The following THEM6 variants were observed in gnomAD, a reference collection of about 807,000 sequenced individuals.
THEM6 encodes protein THEM6.
THEM6 carries 10 observed loss-of-function variants against 13.7 expected under a neutral mutation model. The ratio of observed to expected loss-of-function variants is 0.73; its 90% confidence interval spans 0.45 to 1.24. The LOEUF (loss-of-function observed/expected upper bound fraction) is 1.24, where lower values mean the gene tolerates loss of function less well. THEM6 is among the 50% of genes most tolerant of loss of function. The pLI, the probability that THEM6 is intolerant of heterozygous loss-of-function variation, is 0.00. For missense variants in THEM6, 317 were observed against 312.6 expected, an observed-to-expected ratio of 1.01 and a Z score of -0.11; for synonymous variants, 161 against 156.0, an observed-to-expected ratio of 1.03 and a Z score of -0.24.
rs1434711823 is a variant in THEM6, at chr8:142,736,544, C to T, written c.*1105C>T. 6.6e-6 allele frequency: 1 copy of T among 152,306 alleles called. No homozygotes were observed. The highest frequency in any genetic ancestry group is 2.4e-5 in the African/African-American group (1 of 41,464). The allele number at this position is 152,306 out of a possible 1,614,324, so 9.4% of individuals were successfully genotyped here. On this transcript the variant is annotated 3_prime_UTR_variant, in exon 2 of 2. Transcript: ENST00000336138. The stretch of plus-strand genomic sequence containing the variant: ...CACCCCCTCCTGCCTAATGCCTCAC[C>T]TTACAGCTGGGGAAACTGAGGCCTG...
intron 1 of THEM6, 83 bp from the exon 2 acceptor site, chr8:142,735,243 A>G: frequency 9.6e-7 from 1 of 1,040,970 alleles, no homozygotes; most frequent in Non-Finnish European, 1.4e-6. Flanking sequence ...TTGGAAGGTC[A>G]CGGGCTGGGG....
intron 1 of THEM6, among the ~76,000 whole-genome samples, chr8:142,733,431 A>G (rs11785290): frequency 0.33 from 50,432 of 152,138 alleles, 8,735 homozygotes; most frequent in Admixed American, 0.4. Context: ...TCCTAATTAG[A>G]TCGGTAGGAA....
At chr8:142,733,061 C>G (rs1264088420) in intron 1 of THEM6, among the ~76,000 whole-genome samples, 1 of 152,222 alleles carries the variant, frequency 6.6e-6, no homozygotes, top group Non-Finnish European at 1.5e-5. Flanking sequence ...GACGCGTCCA[C>G]CCTATTGCCG....
Position 142,727,798 on chromosome 8 carries a change from TC to T in THEM6, c.454del (p.Arg152GlyfsTer90). On this transcript the variant is annotated frameshift_variant, in exon 1 of 2. Coordinates refer to ENST00000336138, the MANE Select transcript of THEM6 (RefSeq NM_016647.3). LOFTEE classifies it high-confidence loss of function. ...RDGFVCALLR[F>X]RQHLLGTSPE... ...GGCTTCGTGTGCGCGCTGCTGCGCT[TC>T]CGGCAGCACCTGCTGGGCACCTCAC... 6.8e-7 allele frequency: 1 copy of T among 1,468,958 alleles called. No homozygotes were observed. Among genetic ancestry groups the T allele is most frequent in the Non-Finnish European group, 8.9e-7 (1 of 1,119,072 alleles). 91.0% of individuals were successfully genotyped at this position (1,468,958 alleles called of 1,614,324 possible).
At chr8:142,730,746 CTTT>C (rs782028092) in intron 1 of THEM6, among the ~76,000 whole-genome samples, 5 of 142,054 alleles carry the variant, frequency 3.5e-5, no homozygotes, top group Admixed American at 7.0e-5. Context: ...TTAATAAAAT[CTTT>C]TTTTTTTTTT....
At chr8:142,734,279 C>G (rs1437806470) in intron 1 of THEM6, among the ~76,000 whole-genome samples, 1 of 152,014 alleles carries the variant, frequency 6.6e-6, no homozygotes, top group African/African-American at 2.4e-5. Flanking sequence ...GTGCTGGACT[C>G]TATGTCTTTC....
In THEM6 at chr8:142,735,326, G is replaced by T. The variant is rs1815734682; in HGVS notation, c.514G>T (p.Val172Leu). The T allele has an allele frequency of 1.9e-6, 3 of 1,554,486 alleles. No homozygotes were observed. The East Asian group carries it at 7.3e-5, about 38-fold the overall frequency. The change falls in exon 2 of 2, where the codon GTG becomes TTG. Residue 172 changes from valine (V) to leucine (L), a missense_variant and splice_region_variant. By Grantham distance (32) the Val-to-Leu change is conservative (BLOSUM62 1). Coordinates refer to ENST00000336138, the MANE Select transcript of THEM6 (RefSeq NM_016647.3). ...GGTGTCCCCTTTCTGTCCTCTGCAG[G>T]TGGAGCCCCCTGAGCTGCCCGCTGA... ...RVVQHLCQRR[V>L]EPPELPADLQ...
intron 1 of THEM6, among the ~76,000 whole-genome samples, 184 bp downstream of exon 1, chr8:142,728,043 C>G (rs1163825617): frequency 6.6e-6 from 1 of 152,172 alleles, no homozygotes; most frequent in Non-Finnish European, 1.5e-5. Context: ...CTCACTGATG[C>G]CTTTGTTCGT....
At chr8:142,732,461 G>T (rs1563822753) in intron 1 of THEM6, among the ~76,000 whole-genome samples, 1 of 151,480 alleles carries the variant, frequency 6.6e-6, no homozygotes, top group Non-Finnish European at 1.5e-5. Context: ...GCCATATGAG[G>T]TCACTACAGA....
chr8:142,734,101 G>T (rs1435087725), intron 1 of THEM6, among the ~76,000 whole-genome samples: 3 of 152,244 alleles, frequency 2.0e-5, no homozygotes, highest in Non-Finnish European at 4.4e-5. Flanking sequence ...TAACAGGCCT[G>T]TCCCACACCC....
intron 1 of THEM6, among the ~76,000 whole-genome samples, chr8:142,729,025 C>T (rs1413671933): frequency 6.6e-6 from 1 of 150,784 alleles, no homozygotes; most frequent in Non-Finnish European, 1.5e-5. Context: ...CTGCAACCTC[C>T]GCCTTCCGGG....
rs1319287730 is a variant in THEM6, at chr8:142,727,629, C to G, written c.283C>G (p.Arg95Gly). The change falls in exon 1 of 2, where the codon CGG (arginine) becomes GGG (glycine). Residue 95 changes from arginine to glycine, a missense_variant. By Grantham distance (125) the Arg-to-Gly change is moderately radical. Coordinates refer to ENST00000336138, the MANE Select transcript of THEM6 (RefSeq NM_016647.3). ...CGVLGALREL[R>G]AHTVLAASCA... ...GGTGCTCGGGGCGCTGAGGGAGTTG[C>G]GGGCGCACACGGTGCTGGCGGCCTC... 1 of 1,490,716 alleles carries G rather than the reference C, an allele frequency of 6.7e-7. No homozygotes were observed. Among genetic ancestry groups the G allele is most frequent in the Non-Finnish European group, 8.9e-7 (1 of 1,128,604 alleles). The allele number at this position is 1,490,716 out of a possible 1,614,324, so 92.3% of individuals were successfully genotyped here. A position where few individuals can be genotyped will look rare whatever the true frequency, so the allele number is the denominator to read the frequency against.
rs782198913 is a variant in THEM6, at chr8:142,727,520, C to A, written c.174C>A (p.Asp58Glu). Residue 58 changes from aspartate (D) to glutamate (E), a missense_variant, in exon 1 of 2, where the codon GAC (aspartate) becomes GAA (glutamate). Coordinates refer to ENST00000336138, the MANE Select transcript of THEM6 (RefSeq NM_016647.3). ...QRFPGRVLPS[D>E]LDLLLHMNNA... is the part of the protein sequence containing the mutation. ...TCCCGGGCCGCGTGCTGCCCTCGGA[C>A]TTGGACCTGCTGCTGCACATGAACA... 1 of 1,579,512 alleles carries A rather than the reference C, an allele frequency of 6.3e-7. No individual in the cohort carries two copies. Among genetic ancestry groups the A allele is most frequent in the Non-Finnish European group, 8.5e-7 (1 of 1,171,182 alleles).
chr8:142,732,634 T>G (rs1815674792), intron 1 of THEM6, among the ~76,000 whole-genome samples: 1 of 152,048 alleles, frequency 6.6e-6, no homozygotes, highest in Non-Finnish European at 1.5e-5. Context: ...CTTCTGTGGC[T>G]TCTCCTTCCT....
intron 1 of THEM6, among the ~76,000 whole-genome samples, chr8:142,731,412 T>G (rs181492811): frequency 8.7e-5 from 13 of 150,132 alleles, no homozygotes; most frequent in African/African-American, 3.2e-4. Flanking sequence ...ATATAAACTG[T>G]TTTTTTTTAA....
rs782016941 is a variant in THEM6, at chr8:142,727,552, G to A, written c.206G>A (p.Arg69His). The A allele has an allele frequency of 3.9e-6, 6 of 1,556,618 alleles. No homozygotes were observed. The highest frequency in any genetic ancestry group is 3.6e-5 in the Admixed American group (2 of 55,496). ...CTGCTGCTGCACATGAACAACGCGC[G>A]CTACCTGCGCGAGGCCGACTTTGCG... The part of the protein sequence containing the change: ...LDLLLHMNNA[R>H]YLREADFARV... Residue 69 changes from arginine (R) to histidine (H), a missense_variant, in exon 1 of 2, where the codon CGC becomes CAC. By Grantham distance (29) the Arg-to-His change is conservative. Coordinates refer to ENST00000336138, the MANE Select transcript of THEM6 (RefSeq NM_016647.3).
intron 1 of THEM6, among the ~76,000 whole-genome samples, chr8:142,731,355 T>C (rs1343599272): frequency 6.6e-6 from 1 of 152,248 alleles, no homozygotes; most frequent in Non-Finnish European, 1.5e-5. Flanking sequence ...TGTCTCCTTA[T>C]AATCCTGTTA....
chr8:142,727,764 C>T lies in THEM6; in HGVS notation c.418C>T (p.Leu140=), dbSNP rs1815538689. 9 of 1,457,750 alleles carry T rather than the reference C, an allele frequency of 6.2e-6. No homozygotes were observed. The highest frequency in any genetic ancestry group is 8.1e-6 in the Non-Finnish European group (9 of 1,114,390). The allele number at this position is 1,457,750 out of a possible 1,614,324, so 90.3% of individuals were successfully genotyped here. ...CTACCTGGAGGCGCGCTTTGTCAGC[C>T]TGCGGGACGGCTTCGTGTGCGCGCT... The part of the protein sequence containing the change: ...AFYLEARFVS[L]RDGFVCALLR... The change falls in exon 1 of 2, where the codon CTG becomes TTG. Residue 140 remains leucine (L), a synonymous_variant. Transcript: ENST00000336138.
intron 1 of THEM6, among the ~76,000 whole-genome samples, chr8:142,729,946 T>C (rs1446265688): frequency 6.6e-6 from 1 of 152,236 alleles, no homozygotes; most frequent in Non-Finnish European, 1.5e-5. Flanking sequence ...GGGGTAACCA[T>C]GTCCATCAGA....
Sources: gnomAD v4.1 joint callset for allele counts (sites outside exome capture counted in the v4.1 genomes callset) on GRCh38, gnomAD v4.1.1 for gene constraint, MANE v1.5 for transcripts, NCBI Gene and HGNC (gene_info 2026-07-23, HGNC 2026-07-21) for gene names.